The following OTOGL variants were observed in gnomAD, a reference collection of about 807,000 sequenced individuals.
OTOGL encodes the protein otogelin-like protein.
Under a neutral mutation model 318.5 loss-of-function variants are expected in OTOGL, and 285 were observed. That is an observed-to-expected ratio of 0.89 (90% confidence interval 0.81 to 0.99). The LOEUF (loss-of-function observed/expected upper bound fraction) is 0.99. OTOGL is among the 50% of genes least tolerant of loss of function. The pLI, the probability that OTOGL is intolerant of heterozygous loss-of-function variation, is 0.00. For synonymous variants in OTOGL, 987 were observed against 936.5 expected, an observed-to-expected ratio of 1.05 and a Z score of -0.99; for missense variants, 2,899 against 2,845.6, an observed-to-expected ratio of 1.02 and a Z score of -0.43.
chr12:80,251,212 G>T (rs542392169), intron 11 of OTOGL, among the ~76,000 whole-genome samples: 1 of 152,216 alleles, frequency 6.6e-6, no homozygotes, highest in East Asian at 1.9e-4. Context: ...TAGATTATTG[G>T]TATTGGTTTT....
At chr12:80,212,478 A>C (rs1307327601) in intron 4 of OTOGL, among the ~76,000 whole-genome samples, 1 of 152,198 alleles carries the variant, frequency 6.6e-6, no homozygotes, top group Admixed American at 6.5e-5. Context: ...GGTGTCTCTG[A>C]ATAGGTAACT....
rs1285118497 is a variant in OTOGL at position 80,367,410 on chromosome 12, G to A, written c.6332-151G>A. The A allele has an allele frequency of 2.3e-5, 12 of 521,986 alleles. No individual in the cohort carries two copies. The Admixed American group carries it at 4.3e-4, about 19-fold the overall frequency. The allele number at this position is 521,986 out of a possible 1,614,324, so 32.3% of individuals were successfully genotyped here. On this transcript the variant is annotated intron_variant, in intron 53 of 58. Coordinates refer to ENST00000547103, the MANE Select transcript of OTOGL (RefSeq NM_001378609.3). The stretch of plus-strand genomic sequence containing the variant: ...TACTACATTTTTAAGTAAATATTGG[G>A]CCATTAAAATACGTAAATATGAAGA...
Position 80,366,629 on chromosome 12 carries a change from A to G in OTOGL, c.6323A>G (p.Tyr2108Cys). 2.2e-6 allele frequency: 3 copies of G among 1,394,810 alleles called. No homozygotes were observed. Among genetic ancestry groups the G allele is most frequent in the Non-Finnish European group, 2.8e-6 (3 of 1,063,670 alleles). The allele number at this position is 1,394,810 out of a possible 1,614,324, so 86.4% of individuals were successfully genotyped here. ...CAGAGTGATTGTGGATGCATACAGT[A>G]TCTCTGTGGTAACTATGTCTTTTGT... Reference protein sequence around the residue: ...NFQSDCGCIQYLCEKDDVCVF... With the variant: ...NFQSDCGCIQCLCEKDDVCVF... The change falls in exon 53 of 59, where the codon TAT becomes TGT. Residue 2108 changes from tyrosine to cysteine, a missense_variant. Around this residue, in one of 3 missense-constraint regions of OTOGL, gnomAD observed 289 missense variants for 304.6 expected, o/e 0.95. Coordinates refer to ENST00000547103, the MANE Select transcript of OTOGL (RefSeq NM_001378609.3).
chr12:80,354,823 C>T (rs1459139534), intron 46 of OTOGL, among the ~76,000 whole-genome samples: 7 of 152,072 alleles, frequency 4.6e-5, no homozygotes, highest in Non-Finnish European at 4.4e-5. Flanking sequence ...ATACATTTAT[C>T]ATTATTATTC....
chr12:80,303,331 A>G (rs563105556), intron 28 of OTOGL, among the ~76,000 whole-genome samples: 6 of 152,124 alleles, frequency 3.9e-5, no homozygotes, highest in African/African-American at 1.4e-4. Context: ...AATTTTTTGT[A>G]TTTTTAGTAG....
intron 1 of OTOGL, among the ~76,000 whole-genome samples, chr12:80,189,150 T>C (rs1875506877): frequency 6.6e-6 from 1 of 152,188 alleles, no homozygotes; most frequent in Admixed American, 6.5e-5. Flanking sequence ...AAATAGATAC[T>C]CAGATTAATA....
chr12:80,315,888 G>A (rs2167313), intron 32 of OTOGL, among the ~76,000 whole-genome samples: 7,698 of 152,016 alleles, frequency 0.051, 671 homozygotes, highest in African/African-American at 0.18. Flanking sequence ...ATGCATACAC[G>A]CACACACAAA....
chr12:80,168,154 G>A (rs1402793257), intron 1 of OTOGL, among the ~76,000 whole-genome samples: 1 of 151,872 alleles, frequency 6.6e-6, no homozygotes, highest in Non-Finnish European at 1.5e-5. Flanking sequence ...ATGATGTTTT[G>A]CCATGTTGTC....
At chr12:80,211,854 A>G in intron 3 of OTOGL, 95 bp from the exon 4 acceptor site, 3 of 998,592 alleles carry the variant, frequency 3.0e-6, no homozygotes, top group Non-Finnish European at 4.4e-6. Flanking sequence ...AAAGTGATGG[A>G]AATCAGGAGG....
chr12:80,253,595 C>G (rs377366790), intron 14 of OTOGL, 21 bp downstream of exon 14: 4 of 1,559,448 alleles, frequency 2.6e-6, no homozygotes, highest in Non-Finnish European at 3.5e-6. Flanking sequence ...AGTGTGCAGC[C>G]AATTATTTCT....
At chr12:80,197,387 C>T (rs369028647) in intron 1 of OTOGL, among the ~76,000 whole-genome samples, 27 of 152,134 alleles carry the variant, frequency 1.8e-4, no homozygotes, top group Admixed American at 3.9e-4. Context: ...CCACCATGCC[C>T]GGCTAATTTT....
intron 8 of OTOGL, among the ~76,000 whole-genome samples, chr12:80,231,111 A>G (rs879621449): frequency 3.9e-5 from 6 of 152,196 alleles, no homozygotes; most frequent in Non-Finnish European, 8.8e-5. Flanking sequence ...TAATAGTACA[A>G]CTATACTTCC....
At chr12:80,308,118 G>A (rs1057455348) in intron 29 of OTOGL, among the ~76,000 whole-genome samples, 43 of 149,602 alleles carry the variant, frequency 2.9e-4, no homozygotes, top group African/African-American at 9.8e-4. Context: ...CCTCCCTCCC[G>A]GACGGGGCGG....
In OTOGL at chr12:80,231,289, G is replaced by A. The variant is rs142047184; in HGVS notation, c.612-1603G>A. 3.1e-3 allele frequency among the ~76,000 whole-genome samples: 464 copies of A among 152,120 alleles called. 4 individuals are homozygous for A. The highest frequency in any genetic ancestry group is 0.01 in the African/African-American group (432 of 41,492). On this transcript the variant is annotated intron_variant, in intron 8 of 58. Coordinates refer to ENST00000547103, the MANE Select transcript of OTOGL (RefSeq NM_001378609.3). ...CATATTTATAATTTTTAATAAGAAT[G>A]CATTATGGCAGTAGTTAGCTAGAGT...
chr12:80,368,427 C>T, intron 55 of OTOGL, 118 bp downstream of exon 55: 1 of 549,716 alleles, frequency 1.8e-6, no homozygotes, highest in Middle Eastern at 2.7e-4. Flanking sequence ...ACACAGTACA[C>T]CTACAGCACA....
chr12:80,153,039 T>C (rs181413892), intron 1 of OTOGL, among the ~76,000 whole-genome samples: 104 of 152,328 alleles, frequency 6.8e-4, no homozygotes, highest in Admixed American at 1.5e-3. Context: ...ATTTTTTAAA[T>C]AGCAATTTTA....
intron 1 of OTOGL, among the ~76,000 whole-genome samples, chr12:80,177,353 C>G (rs1434222294): frequency 6.6e-6 from 1 of 152,132 alleles, no homozygotes; most frequent in East Asian, 1.9e-4. Context: ...GCTACAACAC[C>G]ATTTGTTAAA....
At chr12:80,188,022 A>G (rs1422722684) in intron 1 of OTOGL, among the ~76,000 whole-genome samples, 1 of 152,190 alleles carries the variant, frequency 6.6e-6, no homozygotes. Context: ...CAGTGCCAGG[A>G]GTTGACACAG....
chr12:80,266,532 A>G lies in OTOGL; in HGVS notation c.2306A>G (p.Glu769Gly). The change falls in exon 21 of 59, where the codon GAG becomes GGG. Residue 769 changes from glutamate to glycine, a missense_variant. Transcript: ENST00000547103. ...LHSCISLSSP[E>G]QCSDDCAEGC... is the part of the protein sequence containing the mutation. ...TCCTGCATTTCTCTCTCTTCCCCGG[A>G]GCAGTGCAGTGATGACTGTGCTGAA... 1 of 1,613,412 alleles carries G rather than the reference A, an allele frequency of 6.2e-7. No individual in the cohort carries two copies. The highest frequency in any genetic ancestry group is 8.5e-7 in the Non-Finnish European group (1 of 1,179,650).
Sources: gnomAD v4.1 joint callset for allele counts (sites outside exome capture counted in the v4.1 genomes callset) on GRCh38, gnomAD v4.1.1 for gene constraint, gnomAD v4.1.1 regional missense constraint, MANE v1.5 for transcripts, NCBI Gene and HGNC (gene_info 2026-07-23, HGNC 2026-07-21) for gene names.